The following PIEZO1 variants were observed in gnomAD, a reference collection of about 807,000 sequenced individuals.
The protein encoded by PIEZO1 is piezo type mechanosensitive ion channel component 1 (Er blood group), also known as piezo-type mechanosensitive ion channel component 1.
In PIEZO1, 296 loss-of-function variants were observed where a neutral mutation model predicts 297.2. That is an observed-to-expected ratio of 1.00 (90% CI 0.91 to 1.10). PIEZO1 has a LOEUF of 1.10. PIEZO1 is among the 50% of genes least tolerant of loss of function. PIEZO1 has a pLI of 0.00. For missense variants in PIEZO1, 5,018 were observed against 3,455.5 expected, an observed-to-expected ratio of 1.45 and a Z score of -11.34; for synonymous variants, 2,427 against 1,507.5, an observed-to-expected ratio of 1.61 and a Z score of -14.13.
At chr16:88,774,353 T>A (rs569908079) in intron 1 of PIEZO1, among the ~76,000 whole-genome samples, 2 of 152,328 alleles carry the variant, frequency 1.3e-5, no homozygotes, top group South Asian at 4.1e-4. Flanking sequence ...ATTGTGCCAC[T>A]GCACACCAGC....
In PIEZO1 at chr16:88,734,549, G is replaced by A. The variant is rs1007096231; in HGVS notation, c.1998-11C>T. On this transcript the variant is annotated splice_polypyrimidine_tract_variant and intron_variant, in intron 15 of 50. Coordinates refer to ENST00000301015, the MANE Select transcript of PIEZO1 (RefSeq NM_001142864.4). ...CCCAGGTCCCCCAGCCTGTGGAGGG[G>A]CAGCATCAGCACCGGCCCGGCCCCC... 5.8e-6 allele frequency: 9 copies of A among 1,542,170 alleles called. No individual in the cohort carries two copies. The African/African-American group carries it at 1.1e-4, about 19-fold the overall frequency.
In PIEZO1 at chr16:88,770,797, G is replaced by A. The variant is rs1446032055; in HGVS notation, c.64+14104C>T. Among the ~76,000 whole-genome samples, 10 of 152,352 alleles carry A rather than the reference G, an allele frequency of 6.6e-5. 1 individual carries two copies. Among genetic ancestry groups the A allele is most frequent in the East Asian group, 5.8e-4 (3 of 5,178 alleles). On this transcript the variant is annotated intron_variant, in intron 1 of 50. Coordinates refer to ENST00000301015, the MANE Select transcript of PIEZO1 (RefSeq NM_001142864.4). ...CCAGGCGTCCTCCACTGGGCCCCGC[G>A]CGGCCCTGCCATAGGTGACACCAGC...
At chr16:88,780,215 C>T (rs964302283) in intron 1 of PIEZO1, among the ~76,000 whole-genome samples, 2 of 152,204 alleles carry the variant, frequency 1.3e-5, no homozygotes, top group Admixed American at 6.5e-5. Flanking sequence ...AGAGGAGAAG[C>T]CTTCACCCCG....
chr16:88,758,063 G>A (rs553581896), intron 1 of PIEZO1, among the ~76,000 whole-genome samples: 37 of 152,238 alleles, frequency 2.4e-4, no homozygotes, highest in African/African-American at 8.4e-4. Context: ...TCCGGGGTTG[G>A]GGACAGAGCA....
intron 1 of PIEZO1, among the ~76,000 whole-genome samples, chr16:88,754,916 C>A (rs1419633853): frequency 6.6e-6 from 1 of 152,262 alleles, no homozygotes; most frequent in East Asian, 1.9e-4. Flanking sequence ...TGCCGTCCCG[C>A]TCCACGCCTG....
Position 88,727,173 on chromosome 16 carries a change from C to A in PIEZO1, c.3321G>T (p.Leu1107=), listed in dbSNP as rs1430542718. ...TNLISDFLLL[L]CASQQWQVFS... ...ACACCTGCCACTGCTGGGAGGCGCA[C>A]AGCAGCAGGAGAAAGTCGCCTGCAG... is the stretch of plus-strand genomic sequence containing the variant. The change falls in exon 24 of 51, where the codon CTG becomes CTT. Residue 1107 remains leucine, a synonymous_variant. Transcript: ENST00000301015. 5 of 1,544,156 alleles carry A rather than the reference C, an allele frequency of 3.2e-6. No homozygotes were observed. The highest frequency in any genetic ancestry group is 4.4e-6 in the Non-Finnish European group (5 of 1,143,132).
At position 88,715,411 on chromosome 16, in the gene PIEZO1, C is replaced by T. The variant is rs1287762387; in HGVS notation, c.*194G>A. On this transcript the variant is annotated 3_prime_UTR_variant, in exon 51 of 51. Coordinates refer to ENST00000301015, the MANE Select transcript of PIEZO1 (RefSeq NM_001142864.4). ...ACTCTACAGTACACGTGGGGGACGG[C>T]AGCGCCACGCAGGCCGTGGGGACGC... 4 of 942,366 alleles carry T rather than the reference C, an allele frequency of 4.2e-6. No homozygotes were observed. Among genetic ancestry groups the T allele is most frequent in the Non-Finnish European group, 6.2e-6 (4 of 642,848 alleles). The allele number at this position is 942,366 out of a possible 1,614,324, so 58.4% of individuals were successfully genotyped here. A position where few individuals can be genotyped will look rare whatever the true frequency, so the allele number is the denominator to read the frequency against.
chr16:88,747,016 C>T (rs1394372899), intron 2 of PIEZO1, among the ~76,000 whole-genome samples: 2 of 152,330 alleles, frequency 1.3e-5, no homozygotes, highest in African/African-American at 2.4e-5. Flanking sequence ...CACTCGGCCG[C>T]ACTGGGCCCC....
Position 88,715,858 on chromosome 16 carries a change from C to G in PIEZO1, c.7317-4G>C. On this transcript the variant is annotated splice_region_variant and splice_polypyrimidine_tract_variant and intron_variant, in intron 50 of 50. Transcript: ENST00000301015. The stretch of plus-strand genomic sequence containing the variant: ...GGACACGTACAGCCCCATGATGCTG[C>G]GGGGGAAGCTGGTGAGTCCTGGGGC... 1 of 1,549,296 alleles carries G rather than the reference C, an allele frequency of 6.5e-7. No individual in the cohort carries two copies. Among genetic ancestry groups the G allele is most frequent in the Non-Finnish European group, 8.7e-7 (1 of 1,146,300 alleles).
At position 88,726,315 on chromosome 16, in the gene PIEZO1, C is replaced by A. The variant is rs267604679; in HGVS notation, c.3937G>T (p.Asp1313Tyr). Residue 1313 changes from aspartate (D) to tyrosine (Y), a missense_variant, in exon 27 of 51, where the codon GAC (aspartate) becomes TAC (tyrosine). Coordinates refer to ENST00000301015, the MANE Select transcript of PIEZO1 (RefSeq NM_001142864.4). Reference protein sequence around the residue: ...LSHYYLHVRADLQATALLASR... With the variant: ...LSHYYLHVRAYLQATALLASR... ...GCTAGCAGGGCGGTGGCCTGGAGGT[C>A]GGCCCTGACGTGCAGGTAGTAATGG... 9 of 1,549,784 alleles carry A rather than the reference C, an allele frequency of 5.8e-6. No individual in the cohort carries two copies. The highest frequency in any genetic ancestry group is 1.4e-5 in the African/African-American group (1 of 73,034).
chr16:88,752,084 C>T (rs960499624), intron 1 of PIEZO1, among the ~76,000 whole-genome samples: 1 of 152,208 alleles, frequency 6.6e-6, no homozygotes, highest in Non-Finnish European at 1.5e-5. Context: ...CGTGCAGTTT[C>T]CTTTGGGAAA....
At position 88,720,236 on chromosome 16, in the gene PIEZO1, C is replaced by T. The variant is rs1293292922; in HGVS notation, c.5997G>A (p.Gln1999=). The T allele has an allele frequency of 6.4e-7, 1 of 1,550,446 alleles. No individual in the cohort carries two copies. The highest frequency in any genetic ancestry group is 1.4e-5 in the African/African-American group (1 of 73,048). The change falls in exon 42 of 51, where the codon CAG becomes CAA. Residue 1999 remains glutamine, a synonymous_variant. Coordinates refer to ENST00000301015, the MANE Select transcript of PIEZO1 (RefSeq NM_001142864.4). ...GCATGACCAGGAAAGCCTCGGGTACCTGGTCGTCTGATAGGGAGGACGTGA... is the reference window on the plus strand; with the variant it reads ...GCATGACCAGGAAAGCCTCGGGTACTTGGTCGTCTGATAGGGAGGACGTGA... ...TDITSSLSDD[Q]VPEAFLVMLL...
chr16:88,775,221 C>T (rs990319505), intron 1 of PIEZO1, among the ~76,000 whole-genome samples: 3 of 152,246 alleles, frequency 2.0e-5, no homozygotes, highest in African/African-American at 7.2e-5. Flanking sequence ...GATTGCCTGG[C>T]ACAGGCTGGA....
At position 88,780,923 on chromosome 16, in the gene PIEZO1, C is replaced by G. The variant is rs181361619; in HGVS notation, c.64+3978G>C. Among the ~76,000 whole-genome samples, 907 of 152,374 alleles carry G rather than the reference C, an allele frequency of 6.0e-3. 11 individuals carry two copies. Among genetic ancestry groups the G allele is most frequent in the Non-Finnish European group, 5.3e-3 (360 of 68,044 alleles). ...AGGGAGCCAAAATCACGCCGCTACACTCCAGCCTGGGCGACAGAGTGAGCC... is the reference window on the plus strand; with the variant it reads ...AGGGAGCCAAAATCACGCCGCTACAGTCCAGCCTGGGCGACAGAGTGAGCC... On this transcript the variant is annotated intron_variant, in intron 1 of 50. Transcript: ENST00000301015.
intron 44 of PIEZO1, 94 bp from the exon 45 acceptor site, chr16:88,717,305 C>T: frequency 8.4e-7 from 1 of 1,184,626 alleles, no homozygotes; most frequent in Non-Finnish European, 1.2e-6. Context: ...CCCAGAAAAG[C>T]CCCAGCCTGA....
rs57988857 is a variant in PIEZO1, at chr16:88,746,762, C to G, written c.160+2622G>C. ...TCTCCAAATCTTCCCACCCCAGCTC[C>G]TCCCCTGGCCTGGCTGGGCGCCTGC... is the stretch of plus-strand genomic sequence containing the variant. On this transcript the variant is annotated intron_variant, in intron 2 of 50. Transcript: ENST00000301015. Among the ~76,000 whole-genome samples, 408 of 152,374 alleles carry G rather than the reference C, an allele frequency of 2.7e-3. 2 individuals are homozygous for G. Among genetic ancestry groups the G allele is most frequent in the African/African-American group, 9.5e-3 (395 of 41,586 alleles).
rs78190516 is a variant in PIEZO1 at position 88,718,201 on chromosome 16, C to T, written c.6472-990G>A. ...GAACTGAGAAGAGCCCACAGCAAGC[C>T]ACCCGTTCAGCAGCATGGCCAGAAC... is the stretch of plus-strand genomic sequence containing the variant. On this transcript the variant is annotated intron_variant, in intron 44 of 50. Coordinates refer to ENST00000301015, the MANE Select transcript of PIEZO1 (RefSeq NM_001142864.4). The T allele has an allele frequency of 2.9e-3, 472 of 160,178 alleles. 3 individuals are homozygous for T. Among genetic ancestry groups the T allele is most frequent in the African/African-American group, 0.01 (437 of 41,622 alleles). The allele number at this position is 160,178 out of a possible 1,614,324, so 9.9% of individuals were successfully genotyped here. A position where few individuals can be genotyped will look rare whatever the true frequency, so the allele number is the denominator to read the frequency against.
chr16:88,781,713 C>G (rs1228767299), intron 1 of PIEZO1, among the ~76,000 whole-genome samples: 1 of 152,274 alleles, frequency 6.6e-6, no homozygotes, highest in Non-Finnish European at 1.5e-5. Flanking sequence ...GGTGACTCTG[C>G]CATGCTCAGC....
rs774527971 is a variant in PIEZO1 at position 88,732,577 on chromosome 16, G to A, written c.2790+30C>T. 129 of 1,542,920 alleles carry A rather than the reference G, an allele frequency of 8.4e-5. 1 individual carries two copies. Among genetic ancestry groups the A allele is most frequent in the South Asian group, 5.3e-4 (44 of 83,734 alleles). ...TCAGGGGGCAGCCGGGTACTCGCCC[G>A]CCCAGCCGCCCACCAGCCCTTCAAC... On this transcript the variant is annotated intron_variant, in intron 20 of 50. Coordinates refer to ENST00000301015, the MANE Select transcript of PIEZO1 (RefSeq NM_001142864.4).
Sources: gnomAD v4.1 joint callset for allele counts (sites outside exome capture counted in the v4.1 genomes callset) on GRCh38, gnomAD v4.1.1 for gene constraint, MANE v1.5 for transcripts, NCBI Gene and HGNC (gene_info 2026-07-23, HGNC 2026-07-21) for gene names.